The following MORC3 variants were observed in gnomAD, a reference collection of about 807,000 sequenced individuals.
MORC3 encodes MORC family CW-type zinc finger protein 3.
MORC3 carries 31 observed loss-of-function variants against 109.1 expected under a neutral mutation model. The observed-to-expected ratio is 0.28, with a 90% CI of 0.21 to 0.38. MORC3 has a LOEUF of 0.38. Ranked by LOEUF, MORC3 falls within the 10% of genes least tolerant of loss-of-function variation. The pLI, the probability that MORC3 is intolerant of heterozygous loss-of-function variation, is 1.00. For missense variants in MORC3, 867 were observed against 1,135.8 expected, an observed-to-expected ratio of 0.76 and a Z score of 3.40; for synonymous variants, 395 against 380.7, an observed-to-expected ratio of 1.04 and a Z score of -0.44.
At chr21:36,345,799 C>T (rs2085501180) in intron 8 of MORC3, among the ~76,000 whole-genome samples, 1 of 151,968 alleles carries the variant, frequency 6.6e-6, no homozygotes, top group South Asian at 2.1e-4. Flanking sequence ...TCAGGTGATC[C>T]ACCCGCCTCG....
chr21:36,327,602 G>A (rs1340330660), intron 1 of MORC3, among the ~76,000 whole-genome samples: 1 of 151,284 alleles, frequency 6.6e-6, no homozygotes, highest in East Asian at 1.9e-4. Context: ...TCATTTCAAA[G>A]TTAAAAACAA....
intron 10 of MORC3, among the ~76,000 whole-genome samples, chr21:36,358,873 G>T (rs999176344): frequency 1.3e-5 from 2 of 151,954 alleles, no homozygotes; most frequent in Non-Finnish European, 1.5e-5. Context: ...TAGAGATGGG[G>T]TTTCACCGTG....
At chr21:36,325,779 C>T (rs184550183) in intron 1 of MORC3, among the ~76,000 whole-genome samples, 1 of 152,242 alleles carries the variant, frequency 6.6e-6, no homozygotes, top group East Asian at 1.9e-4. Flanking sequence ...TAAACTGTGC[C>T]CCCATCTGAG....
chr21:36,349,444 T>C, intron 9 of MORC3, 36 bp downstream of exon 9: 1 of 1,345,908 alleles, frequency 7.4e-7, no homozygotes, highest in Middle Eastern at 2.0e-4. Flanking sequence ...CTGAGGTTCC[T>C]AGGAAATGTA....
intron 9 of MORC3, 33 bp downstream of exon 9, chr21:36,349,441 T>G (rs2146314608): frequency 1.5e-6 from 2 of 1,377,680 alleles, no homozygotes; most frequent in South Asian, 1.3e-5. Context: ...TGACTGAGGT[T>G]CCTAGGAAAT....
At chr21:36,328,190 T>A (rs974668570) in intron 1 of MORC3, among the ~76,000 whole-genome samples, 1 of 152,026 alleles carries the variant, frequency 6.6e-6, no homozygotes, top group African/African-American at 2.4e-5. Context: ...CTATATTTTT[T>A]ATTTCACATT....
At chr21:36,332,680 A>G (rs1306185501) in intron 1 of MORC3, among the ~76,000 whole-genome samples, 1 of 151,664 alleles carries the variant, frequency 6.6e-6, no homozygotes, top group African/African-American at 2.4e-5. Flanking sequence ...AGTTAGAAGA[A>G]TTTGTACAGT....
chr21:36,320,276 G>T lies in MORC3; in HGVS notation c.12G>T (p.Gln4His). 2 of 1,576,482 alleles carry T rather than the reference G, an allele frequency of 1.3e-6. No homozygotes were observed. Among genetic ancestry groups the T allele is most frequent in the East Asian group, 2.4e-5 (1 of 41,810 alleles). The change falls in exon 1 of 17, where the codon CAG (glutamine) becomes CAT (histidine). Residue 4 changes from glutamine to histidine, a missense_variant. By Grantham distance (24) the Gln-to-His change is conservative. Around this residue, in one of 7 missense-constraint regions of MORC3, gnomAD observed 33 missense variants for 18.5 expected, o/e 1.78. Transcript: ENST00000400485. Reference sequence around the variant, plus strand: ...GTAGCTCGCTCAAGATGGCGGCGCAGCCACCCCGCGGGATACGCCTCAGCG... The same window carrying T: ...GTAGCTCGCTCAAGATGGCGGCGCATCCACCCCGCGGGATACGCCTCAGCG... MAA[Q>H]PPRGIRLSAL...
chr21:36,345,512 T>C (rs1436978274), intron 8 of MORC3, among the ~76,000 whole-genome samples: 1 of 150,224 alleles, frequency 6.7e-6, no homozygotes, highest in Non-Finnish European at 1.5e-5. Flanking sequence ...GCCTCTGCCT[T>C]CTGGGTTCAA....
At chr21:36,320,434 A>AG (rs1227151907) in intron 1 of MORC3, 131 bp downstream of exon 1, 1 of 902,208 alleles carries the variant, frequency 1.1e-6, no homozygotes, top group African/African-American at 1.8e-5. Context: ...GGGCCCGGGG[A>AG]GGGGGCGGCC....
At position 36,336,092 on chromosome 21, in the gene MORC3, A is replaced by ATT. The variant is rs71326676; in HGVS notation, c.113-765_113-764dup. On this transcript the variant is annotated intron_variant, in intron 2 of 16. Transcript: ENST00000400485. ...AGGTGCCCGCCACCATGCCTGGCTA[A>ATT]TTTTTTTTTTTTTTTTTTAATACAG... 2.9e-3 allele frequency among the ~76,000 whole-genome samples: 403 copies of ATT among 137,740 alleles called. 1 individual carries two copies. The highest frequency in any genetic ancestry group is 7.5e-3 in the African/African-American group (281 of 37,318). 90.4% of individuals were successfully genotyped at this position (137,740 alleles called of 152,430 possible).
intron 15 of MORC3, among the ~76,000 whole-genome samples, chr21:36,370,358 A>G (rs2085841185): frequency 6.6e-6 from 1 of 152,062 alleles, no homozygotes; most frequent in East Asian, 1.9e-4. Flanking sequence ...GGTTCTTCCA[A>G]TGTCTTGAGA....
intron 9 of MORC3, among the ~76,000 whole-genome samples, chr21:36,353,929 G>A (rs1466317704): frequency 2.6e-5 from 4 of 151,160 alleles, no homozygotes; most frequent in African/African-American, 4.9e-5. Flanking sequence ...AAATTAGCCG[G>A]GCATGGTGGT....
intron 3 of MORC3, among the ~76,000 whole-genome samples, chr21:36,337,418 C>T (rs1380488347): frequency 3.9e-5 from 6 of 152,082 alleles, no homozygotes; most frequent in Non-Finnish European, 8.8e-5. Context: ...GGTGTGCCAG[C>T]GATGAGTTTG....
At chr21:36,340,294 A>AG (rs59723852) in intron 5 of MORC3, among the ~76,000 whole-genome samples, 1 of 150,654 alleles carries the variant, frequency 6.6e-6, no homozygotes, top group Middle Eastern at 3.2e-3. Context: ...AAAAAAAAAA[A>AG]CTATAGTACA....
At chr21:36,324,278 G>GTT (rs56818491) in intron 1 of MORC3, among the ~76,000 whole-genome samples, 98 of 143,270 alleles carry the variant, frequency 6.8e-4, no homozygotes, top group Admixed American at 4.6e-3. Flanking sequence ...ATTAACTGTA[G>GTT]TTTTTTTTTT....
At chr21:36,362,348 G>A in intron 13 of MORC3, 120 bp downstream of exon 13, 1 of 1,101,652 alleles carries the variant, frequency 9.1e-7, no homozygotes, top group Non-Finnish European at 1.3e-6. Context: ...TTCAAGACCA[G>A]CCTGGCCAAC....
intron 1 of MORC3, among the ~76,000 whole-genome samples, chr21:36,330,526 T>C (rs573880935): frequency 1.3e-5 from 2 of 152,280 alleles, no homozygotes; most frequent in South Asian, 4.1e-4. Context: ...CCCTAAAATA[T>C]ATAAAACCAG....
intron 2 of MORC3, among the ~76,000 whole-genome samples, chr21:36,334,265 T>A (rs905452001): frequency 6.6e-6 from 1 of 152,078 alleles, no homozygotes; most frequent in Non-Finnish European, 1.5e-5. Flanking sequence ...AACAGATACC[T>A]TGAATGATAA....
Sources: gnomAD v4.1 joint callset for allele counts (sites outside exome capture counted in the v4.1 genomes callset) on GRCh38, gnomAD v4.1.1 for gene constraint, gnomAD v4.1.1 regional missense constraint, MANE v1.5 for transcripts, NCBI Gene and HGNC (gene_info 2026-07-23, HGNC 2026-07-21) for gene names.